Variants in VPS13A observed in about 807,000 individuals in gnomAD.
The protein encoded by VPS13A is intermembrane lipid transfer protein VPS13A.
Under a neutral mutation model 390.9 loss-of-function variants are expected in VPS13A, and 264 were observed. The observed-to-expected ratio is 0.68, with a 90% CI of 0.61 to 0.75. The LOEUF (loss-of-function observed/expected upper bound fraction) is 0.75, where lower values mean the gene tolerates loss of function less well. Among genes scored for constraint, VPS13A ranks in the 30% least tolerant of loss-of-function variants. The pLI is 0.00. For missense variants in VPS13A, 3,409 were observed against 3,733.9 expected, an observed-to-expected ratio of 0.91 and a Z score of 2.27; for synonymous variants, 1,231 against 1,227.1, an observed-to-expected ratio of 1.00 and a Z score of -0.07.
At chr9:77,319,489 A>G in intron 41 of VPS13A, 83 bp from the exon 42 acceptor site, 1 of 932,846 alleles carries the variant, frequency 1.1e-6, no homozygotes. Flanking sequence ...ACTGGTTTTT[A>G]TATAGAAGAA....
At chr9:77,333,959 A>G (rs1830412446) in intron 46 of VPS13A, among the ~76,000 whole-genome samples, 1 of 152,204 alleles carries the variant, frequency 6.6e-6, no homozygotes, top group South Asian at 2.1e-4. Context: ...ACATAAATGT[A>G]TAAAGTAGGA....
intron 21 of VPS13A, 85 bp from the exon 22 acceptor site, chr9:77,252,150 G>T: frequency 9.2e-7 from 1 of 1,092,402 alleles, no homozygotes; most frequent in South Asian, 1.2e-5. Context: ...TCATATAATG[G>T]AATGTGTGAC....
At chr9:77,371,436 A>T (rs950506782) in intron 67 of VPS13A, among the ~76,000 whole-genome samples, 1 of 152,110 alleles carries the variant, frequency 6.6e-6, no homozygotes, top group Non-Finnish European at 1.5e-5. Flanking sequence ...AAAAAAGGGA[A>T]CCAAAGTCAC....
chr9:77,237,852 G>GA (rs1587392492), intron 17 of VPS13A, 150 bp from the exon 18 acceptor site: 8 of 619,804 alleles, frequency 1.3e-5, no homozygotes, highest in Non-Finnish European at 2.3e-5. Flanking sequence ...CAATTTAGAG[G>GA]AATCATTGTA....
chr9:77,198,467 A>G (rs1020306264), intron 1 of VPS13A, among the ~76,000 whole-genome samples: 6 of 152,088 alleles, frequency 3.9e-5, no homozygotes, highest in Admixed American at 3.9e-4. Flanking sequence ...CACTTGTGGT[A>G]TTATGTCTGC....
chr9:77,192,610 G>C (rs541332722), intron 1 of VPS13A, among the ~76,000 whole-genome samples: 149 of 152,246 alleles, frequency 9.8e-4, no homozygotes, highest in African/African-American at 3.5e-3. Flanking sequence ...GTTTAGTTTG[G>C]TTAGATATGA....
At chr9:77,367,334 A>G (rs1832487987) in intron 61 of VPS13A, among the ~76,000 whole-genome samples, 1 of 152,232 alleles carries the variant, frequency 6.6e-6, no homozygotes, top group African/African-American at 2.4e-5. Flanking sequence ...TGAAGCTTAT[A>G]GAGTATCTGA....
intron 1 of VPS13A, among the ~76,000 whole-genome samples, chr9:77,193,725 A>G (rs774426971): frequency 3.3e-5 from 5 of 152,224 alleles, no homozygotes; most frequent in Non-Finnish European, 7.3e-5. Context: ...TAGAGTTGCT[A>G]GAATTCTTGC....
chr9:77,281,606 T>C (rs896301347), intron 27 of VPS13A, among the ~76,000 whole-genome samples: 2 of 152,082 alleles, frequency 1.3e-5, no homozygotes, highest in African/African-American at 4.8e-5. Flanking sequence ...ACATTTCCTC[T>C]CTTAATAATA....
At chr9:77,292,556 C>G (rs1290739583) in intron 31 of VPS13A, among the ~76,000 whole-genome samples, 1 of 152,072 alleles carries the variant, frequency 6.6e-6, no homozygotes, top group Non-Finnish European at 1.5e-5. Context: ...TTCTTTTCAG[C>G]CCTGTCTTGT....
chr9:77,337,756 T>C (rs1298167232), intron 47 of VPS13A: 6 of 484,864 alleles, frequency 1.2e-5, no homozygotes, highest in Non-Finnish European at 2.1e-5. Context: ...CTACATTATG[T>C]TGTATTCTTT....
intron 47 of VPS13A, 22 bp from the exon 48 acceptor site, chr9:77,339,494 G>GTTTT: frequency 6.0e-6 from 8 of 1,343,296 alleles, no homozygotes; most frequent in Admixed American, 5.2e-5. Flanking sequence ...ATTTTGTTTT[G>GTTTT]TTTTTTTTTT....
chr9:77,301,444 G>A (rs934756145), intron 33 of VPS13A, among the ~76,000 whole-genome samples: 2 of 152,190 alleles, frequency 1.3e-5, no homozygotes, highest in South Asian at 4.1e-4. Flanking sequence ...GCAGGCATAT[G>A]TAAGTTTGGT....
At chr9:77,386,776 C>T (rs1310865199) in intron 68 of VPS13A, among the ~76,000 whole-genome samples, 12 of 149,580 alleles carry the variant, frequency 8.0e-5, no homozygotes, top group African/African-American at 1.7e-4. Flanking sequence ...GGCGCGATCT[C>T]GGCTGACTGC....
At chr9:77,331,305 A>G (rs956729497) in intron 45 of VPS13A, among the ~76,000 whole-genome samples, 3 of 152,072 alleles carry the variant, frequency 2.0e-5, no homozygotes, top group Non-Finnish European at 4.4e-5. Flanking sequence ...TTATTCTTCA[A>G]AGTTATTTTA....
At chr9:77,342,400 A>ATT (rs35618394) in intron 50 of VPS13A, among the ~76,000 whole-genome samples, 16,124 of 148,052 alleles carry the variant, frequency 0.11, 930 homozygotes, top group East Asian at 0.14. Flanking sequence ...CTTAACTGTC[A>ATT]TTTTTTTTTT....
At position 77,295,837 on chromosome 9, in the gene VPS13A, G is replaced by A. The variant is rs781120866; in HGVS notation, c.3803G>A (p.Arg1268Gln). ...ATAACAATAAAGCTGAGTGAAATGC[G>A]ACTATACAGGTAAGCTTTTCACAAG... ...DLITIKLSEMRLYRSRFINDA... is the reference protein window; with the variant it reads ...DLITIKLSEMQLYRSRFINDA... Residue 1268 changes from arginine to glutamine, a missense_variant, in exon 33 of 72, where the codon CGA (arginine) becomes CAA (glutamine). Transcript: ENST00000360280. 2.5e-5 allele frequency: 40 copies of A among 1,613,406 alleles called. No individual in the cohort carries two copies. In the East Asian group the frequency reaches 4.7e-4, roughly 19 times the overall value.
intron 50 of VPS13A, among the ~76,000 whole-genome samples, chr9:77,343,015 G>C (rs1286346148): frequency 2.0e-5 from 3 of 152,158 alleles, no homozygotes; most frequent in Non-Finnish European, 2.9e-5. Flanking sequence ...GACAAAAAGT[G>C]TCTTCACTTT....
chr9:77,287,715 A>T (rs542022287), intron 31 of VPS13A, among the ~76,000 whole-genome samples: 1 of 152,298 alleles, frequency 6.6e-6, no homozygotes, highest in East Asian at 1.9e-4. Flanking sequence ...TGAGCTGTGG[A>T]TTTGAGCCCT....
Sources: allele counts gnomAD v4.1 joint callset (sites outside exome capture counted in the v4.1 genomes callset), GRCh38; gene constraint gnomAD v4.1.1; transcripts MANE v1.5; gene names NCBI Gene and HGNC (gene_info 2026-07-23, HGNC 2026-07-21).